The following NTM variants were observed in gnomAD, a reference collection of about 807,000 sequenced individuals.
NTM encodes the protein neurotrimin, also known as IgLON family member 2.
Under a neutral mutation model 42.1 loss-of-function variants are expected in NTM, and 13 were observed. The observed-to-expected ratio is 0.31, with a 90% CI of 0.20 to 0.49. The LOEUF is 0.49. NTM is among the 20% of genes least tolerant of loss of function. The pLI is 0.99. For synonymous variants in NTM, 187 were observed against 179.2 expected (o/e 1.04, Z -0.35); for missense variants, 373 against 452.8 (o/e 0.82, Z 1.60).
chr11:131,919,757 T>G (rs1367763125), intron 2 of NTM, among the ~76,000 whole-genome samples: 1 of 137,698 alleles, frequency 7.3e-6, no homozygotes, highest in African/African-American at 2.7e-5. Context: ...TATGTACATA[T>G]GCATGTGTGC....
intron 1 of NTM, chr11:131,766,991 C>A (rs1201138521): frequency 5.1e-6 from 1 of 196,458 alleles, no homozygotes; most frequent in South Asian, 1.8e-4. Flanking sequence ...TTTGTCTTAG[C>A]GCCTATTTTT....
intron 1 of NTM, chr11:131,371,170 C>T (rs929947066): frequency 1.2e-6 from 1 of 815,086 alleles, no homozygotes; most frequent in East Asian, 1.2e-4. Context: ...TGGCTTCATG[C>T]ACATTCTTGC....
chr11:132,162,373 AGT>A (rs1199112459), intron 3 of NTM, among the ~76,000 whole-genome samples: 9 of 133,910 alleles, frequency 6.7e-5, no homozygotes, highest in Admixed American at 1.5e-4. Flanking sequence ...GGACTGCGTG[AGT>A]GTGTGTATGT....
In NTM at chr11:131,996,848, T is replaced by G. The variant is rs1314417059; in HGVS notation, c.167+85200T>G. ...TGCCAGGACTCTCCCCAGCCTGCAT[T>G]CTGAAGCATCTCCTTCCTTGCTCTG... is the stretch of plus-strand genomic sequence containing the variant. On this transcript the variant is annotated intron_variant, in intron 2 of 8. Coordinates refer to ENST00000683400, the MANE Select transcript of NTM (RefSeq NM_001352005.2). 2.0e-5 allele frequency among the ~76,000 whole-genome samples: 3 copies of G among 152,242 alleles called. No individual in the cohort carries two copies. In the East Asian group the frequency reaches 5.8e-4, roughly 29 times the overall value.
chr11:131,390,041 T>A (rs1330911455), intron 1 of NTM, among the ~76,000 whole-genome samples: 1 of 152,128 alleles, frequency 6.6e-6, no homozygotes, highest in East Asian at 1.9e-4. Flanking sequence ...AAGGAATACC[T>A]GAGACTGGGC....
At chr11:132,004,607 C>CTCTA (rs1555214537) in intron 2 of NTM, among the ~76,000 whole-genome samples, 1 of 19,160 alleles carries the variant, frequency 5.2e-5, no homozygotes, top group Non-Finnish European at 1.6e-4. Context: ...TTCTCTCTTT[C>CTCTA]TCTCTCTCTC....
intron 4 of NTM, among the ~76,000 whole-genome samples, chr11:132,272,804 C>T (rs1202754807): frequency 6.6e-6 from 1 of 151,798 alleles, no homozygotes; most frequent in Non-Finnish European, 1.5e-5. Context: ...ATATAAGATC[C>T]TGTCATTTGT....
chr11:132,065,426 T>G (rs978665931), intron 2 of NTM, among the ~76,000 whole-genome samples: 1 of 152,210 alleles, frequency 6.6e-6, no homozygotes, highest in Non-Finnish European at 1.5e-5. Context: ...CTTCCTCATC[T>G]CATTACTAGA....
chr11:131,519,432 A>T, intron 1 of NTM, among the ~76,000 whole-genome samples: 1 of 125,542 alleles, frequency 8.0e-6, no homozygotes, highest in East Asian at 2.6e-4. Flanking sequence ...TTACTTTCAG[A>T]TCTTCATAGG....
chr11:131,425,964 G>A (rs1017741629), intron 1 of NTM, among the ~76,000 whole-genome samples: 1 of 152,162 alleles, frequency 6.6e-6, no homozygotes, highest in Non-Finnish European at 1.5e-5. Flanking sequence ...GGTAATGTGT[G>A]CAGAAATCTT....
chr11:132,116,743 C>T lies in NTM; in HGVS notation c.168-29539C>T, dbSNP rs532798225. On this transcript the variant is annotated intron_variant, in intron 2 of 8. Coordinates refer to ENST00000683400, the MANE Select transcript of NTM (RefSeq NM_001352005.2). ...ATGATTATTAAGATCCAGCCAAAAGCGTGAGCTCTGCTGAGGATGACAGTT... is the reference window on the plus strand; with the variant it reads ...ATGATTATTAAGATCCAGCCAAAAGTGTGAGCTCTGCTGAGGATGACAGTT... Among the ~76,000 whole-genome samples the T allele has an allele frequency of 1.4e-4, 22 of 152,310 alleles. No homozygotes were observed. In the South Asian group the frequency reaches 3.9e-3, roughly 27 times the overall value.
intron 2 of NTM, among the ~76,000 whole-genome samples, chr11:132,107,403 T>C (rs11222929): frequency 0.14 from 19,626 of 139,772 alleles, 1,430 homozygotes; most frequent in Middle Eastern, 0.18. Context: ...TAGGCTGGAG[T>C]ACAGTGGTAT....
intron 1 of NTM, among the ~76,000 whole-genome samples, chr11:131,908,680 A>C (rs1026286485): frequency 6.6e-5 from 10 of 152,246 alleles, no homozygotes; most frequent in Admixed American, 6.5e-4. Context: ...GTGGAGACGA[A>C]GCCCAAATTC....
At chr11:131,388,943 C>T (rs2135572746) in intron 1 of NTM, among the ~76,000 whole-genome samples, 1 of 140,122 alleles carries the variant, frequency 7.1e-6, no homozygotes, top group South Asian at 2.2e-4. Context: ...ACATGGCAGG[C>T]AGAGGTTGCA....
At chr11:132,149,156 C>T (rs748705167) in intron 3 of NTM, among the ~76,000 whole-genome samples, 21 of 140,852 alleles carry the variant, frequency 1.5e-4, no homozygotes, top group African/African-American at 4.8e-4. Flanking sequence ...CTCTTCAAAG[C>T]GATCAGACAA....
chr11:132,310,118 C>CATACATTT lies in NTM; in HGVS notation c.669_676dup (p.Ser226TyrfsTer40). The CATACATTT allele has an allele frequency of 6.3e-7, 1 of 1,593,872 alleles. No homozygotes were observed. Among genetic ancestry groups the CATACATTT allele is most frequent in the Non-Finnish European group, 8.5e-7 (1 of 1,173,858 alleles). ...AGACATCTTCTTTTTGCAGATCCAC[C>CATACATTT]ATACATTTCAGAAGCCAAGGGTACA... On this transcript the variant is annotated frameshift_variant, in exon 6 of 9. Coordinates refer to ENST00000683400, the MANE Select transcript of NTM (RefSeq NM_001352005.2). LOFTEE classifies it high-confidence loss of function.
chr11:131,955,705 C>A (rs1014491005), intron 2 of NTM, among the ~76,000 whole-genome samples: 1 of 151,908 alleles, frequency 6.6e-6, no homozygotes, highest in South Asian at 2.1e-4. Context: ...CCCAGTGCCC[C>A]GACCTCCCAC....
intron 2 of NTM, among the ~76,000 whole-genome samples, chr11:132,099,224 G>A (rs1393683439): frequency 6.6e-6 from 1 of 152,180 alleles, no homozygotes; most frequent in African/African-American, 2.4e-5. Flanking sequence ...CTCTTGAGCT[G>A]TAGGTAGTTG....
chr11:131,444,203 C>CAAAAA lies in NTM; in HGVS notation c.82+73336_82+73340dup, dbSNP rs71475757. On this transcript the variant is annotated intron_variant, in intron 1 of 8. Transcript: ENST00000683400. ...CTCAACAGTGGCTAAAGGTTAGAAC[C>CAAAAA]AAAAAAAAAAAAAAAAAAAAAAAAA... Among the ~76,000 whole-genome samples, 294 of 49,510 alleles carry CAAAAA rather than the reference C, an allele frequency of 5.9e-3. 9 individuals carry two copies. The highest frequency in any genetic ancestry group is 0.023 in the Middle Eastern group (1 of 44). The allele number at this position is 49,510 out of a possible 152,430, so 32.5% of individuals were successfully genotyped here. A position where few individuals can be genotyped will look rare whatever the true frequency, so the allele number is the denominator to read the frequency against.
Sources: gnomAD v4.1 joint callset for allele counts (sites outside exome capture counted in the v4.1 genomes callset) on GRCh38, gnomAD v4.1.1 for gene constraint, MANE v1.5 for transcripts, NCBI Gene and HGNC (gene_info 2026-07-23, HGNC 2026-07-21) for gene names.